Variants in ANKRD17 observed in about 807,000 individuals in gnomAD.
ANKRD17 encodes the protein ankyrin repeat domain 17, also known as ankyrin repeat domain-containing protein 17.
Under a neutral mutation model 229.7 loss-of-function variants are expected in ANKRD17, and 19 were observed. The observed-to-expected ratio is 0.08, with a 90% CI of 0.06 to 0.12. The LOEUF (loss-of-function observed/expected upper bound fraction) is 0.12, where lower values mean the gene tolerates loss of function less well. Ranked by LOEUF, ANKRD17 falls within the 10% of genes least tolerant of loss-of-function variation. The probability of loss-of-function intolerance (pLI) is 1.00; values close to 1 mark genes in which losing one functional copy is unlikely to be tolerated. For synonymous variants in ANKRD17, 1,112 were observed against 1,146.1 expected (o/e 0.97, Z 0.60); for missense variants, 2,176 against 3,176.8 (o/e 0.68, Z 7.57).
chr4:73,258,645 C>CACCGGA lies in ANKRD17; in HGVS notation c.18_23dup (p.Pro7_Val8dup). 6.7e-7 allele frequency: 1 copy of CACCGGA among 1,486,260 alleles called. No individual in the cohort carries two copies. The highest frequency in any genetic ancestry group is 8.9e-7 in the Non-Finnish European group (1 of 1,126,998). The allele number at this position is 1,486,260 out of a possible 1,614,324, so 92.1% of individuals were successfully genotyped here. On this transcript the variant is annotated inframe_insertion, in exon 1 of 34. Coordinates refer to ENST00000358602, the MANE Select transcript of ANKRD17 (RefSeq NM_032217.5). ...CTCCTTCTGCAGCCGTCGCCGCCGC[C>CACCGGA]ACCGGAACCGTCGCCTTCTCCATCC...
chr4:73,094,236 A>C lies in ANKRD17; in HGVS notation c.5178-8T>G. On this transcript the variant is annotated splice_polypyrimidine_tract_variant and splice_region_variant and intron_variant, in intron 27 of 33. Coordinates refer to ENST00000358602, the MANE Select transcript of ANKRD17 (RefSeq NM_032217.5). ...ACAGATACTTTCTTTGACCTGTTTAAAAGTTGTATATATAAATTAAGATTA... is the reference window on the plus strand; with the variant it reads ...ACAGATACTTTCTTTGACCTGTTTACAAGTTGTATATATAAATTAAGATTA... The C allele has an allele frequency of 6.2e-7, 1 of 1,608,208 alleles. No individual in the cohort carries two copies. Among genetic ancestry groups the C allele is most frequent in the Non-Finnish European group, 8.5e-7 (1 of 1,175,614 alleles).
chr4:73,228,180 A>G (rs1375212079), intron 1 of ANKRD17, among the ~76,000 whole-genome samples: 1 of 152,200 alleles, frequency 6.6e-6, no homozygotes, highest in South Asian at 2.1e-4. Context: ...AGTGTGAAAG[A>G]GCCTAAACCA....
At chr4:73,161,468 A>G (rs1012119686) in intron 2 of ANKRD17, 120 bp from the exon 3 acceptor site, 71 of 969,732 alleles carry the variant, frequency 7.3e-5, no homozygotes, top group Non-Finnish European at 1.1e-4. Flanking sequence ...TAGAGTAGAC[A>G]TATATATTGG....
intron 19 of ANKRD17, 31 bp from the exon 20 acceptor site, chr4:73,121,125 G>GA (rs1726668023): frequency 1.9e-6 from 3 of 1,538,520 alleles, no homozygotes; most frequent in Admixed American, 1.7e-5. Flanking sequence ...AAAACAAATG[G>GA]AAAAATATAT....
chr4:73,113,651 G>A (rs941593819), intron 24 of ANKRD17, 141 bp downstream of exon 24: 5 of 757,854 alleles, frequency 6.6e-6, no homozygotes, highest in South Asian at 1.8e-5. Flanking sequence ...TTCTCTCCAC[G>A]ATTTGAGCCA....
intron 1 of ANKRD17, among the ~76,000 whole-genome samples, chr4:73,252,325 G>T (rs954542876): frequency 2.0e-5 from 3 of 152,192 alleles, no homozygotes; most frequent in Admixed American, 2.0e-4. Context: ...CATAAGGCTG[G>T]TTTACCAGAA....
At chr4:73,150,322 T>C (rs1329972211) in intron 7 of ANKRD17, among the ~76,000 whole-genome samples, 2 of 152,050 alleles carry the variant, frequency 1.3e-5, no homozygotes, top group African/African-American at 4.8e-5. Context: ...TACAGATTAT[T>C]CCATTTTAAT....
At chr4:73,214,624 C>T (rs1204571692) in intron 1 of ANKRD17, among the ~76,000 whole-genome samples, 1 of 151,426 alleles carries the variant, frequency 6.6e-6, no homozygotes, top group Admixed American at 6.6e-5. Context: ...TCTGCATGCA[C>T]TCACAATTTT....
At position 73,091,353 on chromosome 4, in the gene ANKRD17, G is replaced by A. The variant is rs1443038945; in HGVS notation, c.6275C>T (p.Pro2092Leu). Residue 2092 changes from proline (P) to leucine (L), a missense_variant, in exon 29 of 34, where the codon CCT (proline) becomes CTT (leucine). This residue lies in a region of ANKRD17 where 424 missense variants were observed against 454.0 expected (regional missense o/e 0.93). Coordinates refer to ENST00000358602, the MANE Select transcript of ANKRD17 (RefSeq NM_032217.5). ...CCCAGAAGAACTGCTGCTGTTTGGA[G>A]GTCTAGTGTTTGTTGTTTCTACTAC... ...PPVVETTNTR[P>L]PNSSSSSGSS... 9 of 1,614,076 alleles carry A rather than the reference G, an allele frequency of 5.6e-6. No individual in the cohort carries two copies. Among genetic ancestry groups the A allele is most frequent in the Non-Finnish European group, 7.6e-6 (9 of 1,180,036 alleles).
intron 1 of ANKRD17, among the ~76,000 whole-genome samples, chr4:73,208,119 G>A (rs531073857): frequency 6.6e-6 from 1 of 150,878 alleles, no homozygotes; most frequent in East Asian, 1.9e-4. Context: ...AGCCCGGGAG[G>A]CGGAGCTTGC....
chr4:73,113,695 C>CAAACA (rs774748139), intron 24 of ANKRD17, 97 bp downstream of exon 24: 2 of 997,574 alleles, frequency 2.0e-6, no homozygotes, highest in South Asian at 1.4e-5. Flanking sequence ...TAATTTAAAG[C>CAAACA]AAACAAAACA....
chr4:73,106,878 T>TAAAA (rs35011113), intron 24 of ANKRD17, among the ~76,000 whole-genome samples: 2 of 49,252 alleles, frequency 4.1e-5, no homozygotes, highest in African/African-American at 1.6e-4. Flanking sequence ...ACTCCGTCTT[T>TAAAA]AAAAAAAAAA....
chr4:73,163,601 A>G (rs1288123797), intron 2 of ANKRD17, among the ~76,000 whole-genome samples: 2 of 152,230 alleles, frequency 1.3e-5, no homozygotes, highest in Non-Finnish European at 2.9e-5. Flanking sequence ...ATAATATCAC[A>G]TAAGTTTCAT....
intron 28 of ANKRD17, 52 bp downstream of exon 28, chr4:73,094,027 A>C: frequency 6.5e-7 from 1 of 1,545,094 alleles, no homozygotes; most frequent in Non-Finnish European, 8.9e-7. Flanking sequence ...GTATTTCATT[A>C]AGCTATAGTG....
At chr4:73,220,088 T>C (rs768181187) in intron 1 of ANKRD17, among the ~76,000 whole-genome samples, 4 of 152,166 alleles carry the variant, frequency 2.6e-5, no homozygotes, top group Non-Finnish European at 5.9e-5. Flanking sequence ...ATTTGGGATA[T>C]AAAATTGGAA....
rs751194828 is a variant in ANKRD17, at chr4:73,139,845, C to T, written c.2771G>A (p.Gly924Glu). ...PVGVGEQLSE[G>E]DYARLQQVDP... ...CACTTGCTGTAACCGTGCATAGTCT[C>T]CCTCAGAAAGCTGCTCTCCAACTCC... The change falls in exon 15 of 34, where the codon GGA (glycine) becomes GAA (glutamate). Residue 924 changes from glycine (G) to glutamate (E), a missense_variant. Transcript: ENST00000358602. 2 of 1,614,236 alleles carry T rather than the reference C, an allele frequency of 1.2e-6. No individual in the cohort carries two copies. The highest frequency in any genetic ancestry group is 8.5e-7 in the Non-Finnish European group (1 of 1,180,040).
chr4:73,142,659 T>A lies in ANKRD17; in HGVS notation c.2066A>T (p.Asp689Val). Residue 689 changes from aspartate to valine, a missense_variant, in exon 12 of 34, where the codon GAT becomes GTT. Physicochemically the swap from Asp to Val is radical, Grantham distance 152. This residue lies in a region of ANKRD17 where 275 missense variants were observed against 386.9 expected (regional missense o/e 0.71). Coordinates refer to ENST00000358602, the MANE Select transcript of ANKRD17 (RefSeq NM_032217.5). ...VVELLLAHGA[D>V]PTHRLKDGST... Reference sequence around the variant, plus strand: ...ACATACTTTCAAACGGTGAGTAGGATCTGCCCCATGAGCCAAAAGTAGTTC... The same window carrying A: ...ACATACTTTCAAACGGTGAGTAGGAACTGCCCCATGAGCCAAAAGTAGTTC... 1 of 1,614,002 alleles carries A rather than the reference T, an allele frequency of 6.2e-7. No homozygotes were observed. The highest frequency in any genetic ancestry group is 1.1e-5 in the South Asian group (1 of 91,068).
intron 1 of ANKRD17, among the ~76,000 whole-genome samples, chr4:73,226,682 C>T (rs1006871532): frequency 5.9e-5 from 9 of 151,988 alleles, no homozygotes; most frequent in Admixed American, 5.2e-4. Context: ...CGTGAGCCAC[C>T]GCACCTGGCC....
At chr4:73,128,910 CAAAGT>C (rs889721615) in intron 16 of ANKRD17, among the ~76,000 whole-genome samples, 11 of 151,966 alleles carry the variant, frequency 7.2e-5, no homozygotes, top group African/African-American at 1.2e-4. Flanking sequence ...TTAATAATGA[CAAAGT>C]AAAGAAAAAA....
Sources: allele counts gnomAD v4.1 joint callset (sites outside exome capture counted in the v4.1 genomes callset), GRCh38; gene constraint gnomAD v4.1.1; regional missense constraint gnomAD v4.1.1; transcripts MANE v1.5; gene names NCBI Gene and HGNC (gene_info 2026-07-23, HGNC 2026-07-21).